MEGF10: variants seen among roughly 807,000 people sequenced by gnomAD.
The protein encoded by MEGF10 is multiple EGF like domains 10.
Under a neutral mutation model 147.5 loss-of-function variants are expected in MEGF10, and 86 were observed. The ratio of observed to expected loss-of-function variants is 0.58; its 90% CI spans 0.49 to 0.70. MEGF10 has a LOEUF of 0.70. MEGF10 is among the 30% of genes least tolerant of loss of function. The probability of loss-of-function intolerance (pLI) is 0.00; values close to 1 mark genes in which losing one functional copy is unlikely to be tolerated. For synonymous variants in MEGF10, 478 were observed against 525.5 expected, an observed-to-expected ratio of 0.91 and a Z score of 1.24; for missense variants, 1,329 against 1,487.3, an observed-to-expected ratio of 0.89 and a Z score of 1.75.
chr5:127,379,561 A>C (rs1763173637), intron 5 of MEGF10, among the ~76,000 whole-genome samples: 1 of 141,510 alleles, frequency 7.1e-6, no homozygotes, highest in African/African-American at 2.6e-5. Flanking sequence ...TCAGAATAAT[A>C]CTCATCTCCC....
At chr5:127,434,539 G>T in intron 14 of MEGF10, 148 bp from the exon 15 acceptor site, 1 of 865,968 alleles carries the variant, frequency 1.2e-6, no homozygotes, top group Non-Finnish European at 1.7e-6. Flanking sequence ...TGTTGTTCTT[G>T]TTTTCTACTT....
rs965323775 is a variant in MEGF10, at chr5:127,380,309, G to C, written c.412+10307G>C. On this transcript the variant is annotated intron_variant, in intron 5 of 24. Transcript: ENST00000503335. ...TAAGACACTGCCTCTTCTTTTTAGGGGCTCTTAGTTTGATAGAGGAGCTGA... is the reference window on the plus strand; with the variant it reads ...TAAGACACTGCCTCTTCTTTTTAGGCGCTCTTAGTTTGATAGAGGAGCTGA... 2.6e-5 allele frequency among the ~76,000 whole-genome samples: 4 copies of C among 151,982 alleles called. No homozygotes were observed. In the South Asian group the frequency reaches 6.2e-4, roughly 24 times the overall value.
At chr5:127,263,025 A>C in the MEGF10 span, among the ~76,000 whole-genome samples, 101 of 152,290 alleles carry the variant, frequency 6.6e-4, no homozygotes, top group African/African-American at 2.1e-3. Context: ...AACAACAAAA[A>C]AGTCCTACTT....
Position 127,434,754 on chromosome 5 carries a change from G to T in MEGF10, c.1908G>T (p.Gly636=), listed in dbSNP as rs776230933. 1.2e-6 allele frequency: 2 copies of T among 1,613,404 alleles called. No individual in the cohort carries two copies. The highest frequency in any genetic ancestry group is 1.7e-6 in the Non-Finnish European group (2 of 1,179,988). Residue 636 remains glycine, a synonymous_variant, in exon 15 of 25, where the codon GGG becomes GGT. Coordinates refer to ENST00000503335, the MANE Select transcript of MEGF10 (RefSeq NM_001256545.2). ...QTCPQCVHSS[G]PCHHITGLCD... Reference sequence around the variant, plus strand: ...GCCCACAGTGCGTTCACAGCAGCGGGCCCTGCCACCACATCACCGGCCTGT... The same window carrying T: ...GCCCACAGTGCGTTCACAGCAGCGGTCCCTGCCACCACATCACCGGCCTGT...
chr5:127,445,620 A>C lies in MEGF10; in HGVS notation c.2655A>C (p.Gly885=). 6.2e-7 allele frequency: 1 copy of C among 1,614,090 alleles called. No homozygotes were observed. The highest frequency in any genetic ancestry group is 1.7e-4 in the Middle Eastern group (1 of 6,060). ...LFIIYRHKQK[G]KESSMPAVTY... ...TTATTTATAGACACAAGCAGAAGGG[A>C]AAGGAATCAAGCATGCCAGCAGTTA... is the stretch of plus-strand genomic sequence containing the variant. Residue 885 remains glycine (G), a synonymous_variant, in exon 20 of 25, where the codon GGA becomes GGC. Coordinates refer to ENST00000503335, the MANE Select transcript of MEGF10 (RefSeq NM_001256545.2).
intron 24 of MEGF10, among the ~76,000 whole-genome samples, chr5:127,456,425 C>A (rs1004142037): frequency 1.1e-4 from 16 of 151,184 alleles, no homozygotes; most frequent in Admixed American, 5.3e-4. Flanking sequence ...ATTTTCATTT[C>A]TCTCTCTCTC....
intron 4 of MEGF10, among the ~76,000 whole-genome samples, chr5:127,369,265 G>A (rs1295519820): frequency 1.3e-5 from 2 of 152,174 alleles, no homozygotes; most frequent in Non-Finnish European, 2.9e-5. Flanking sequence ...ATTCACTCAT[G>A]TTTGCAGTGA....
At chr5:127,342,526 T>C (rs1010053974) in intron 4 of MEGF10, among the ~76,000 whole-genome samples, 1 of 152,132 alleles carries the variant, frequency 6.6e-6, no homozygotes, top group African/African-American at 2.4e-5. Flanking sequence ...TAGATTTCAC[T>C]GGCAAGCTGG....
At chr5:127,386,810 A>G (rs919133355) in intron 5 of MEGF10, among the ~76,000 whole-genome samples, 1 of 152,246 alleles carries the variant, frequency 6.6e-6, no homozygotes, top group Non-Finnish European at 1.5e-5. Context: ...TTTCTAGGGC[A>G]TTCTTTTTGC....
intron 5 of MEGF10, among the ~76,000 whole-genome samples, chr5:127,374,695 A>G (rs1762963701): frequency 1.3e-5 from 2 of 152,390 alleles, no homozygotes; most frequent in Admixed American, 1.3e-4. Context: ...CCTAGATACT[A>G]AAGTTAACTT....
chr5:127,249,193 G>A, the MEGF10 span, among the ~76,000 whole-genome samples: 2 of 151,994 alleles, frequency 1.3e-5, no homozygotes, highest in Non-Finnish European at 2.9e-5. Context: ...AATGACAATA[G>A]CATTACAAAT....
chr5:127,458,337 T>G lies in MEGF10; in HGVS notation c.*1019T>G, dbSNP rs1442873301. 6.6e-6 allele frequency: 1 copy of G among 152,214 alleles called. No homozygotes were observed. The highest frequency in any genetic ancestry group is 1.5e-5 in the Non-Finnish European group (1 of 68,030). The allele number at this position is 152,214 out of a possible 1,614,324, so 9.4% of individuals were successfully genotyped here. A position where few individuals can be genotyped will look rare whatever the true frequency, so the allele number is the denominator to read the frequency against. On this transcript the variant is annotated 3_prime_UTR_variant, in exon 25 of 25. Coordinates refer to ENST00000503335, the MANE Select transcript of MEGF10 (RefSeq NM_001256545.2). ...AGTGACTGAAATATTTTTGTGCATA[T>G]TTGAGAAAGGGAACTTTCCTTTTAT... is the stretch of plus-strand genomic sequence containing the variant.
intron 5 of MEGF10, among the ~76,000 whole-genome samples, chr5:127,384,386 C>T (rs1180204774): frequency 1.3e-5 from 2 of 152,166 alleles, no homozygotes; most frequent in African/African-American, 4.8e-5. Flanking sequence ...TATAAGGGCT[C>T]CTGAGGTTGT....
At chr5:127,385,920 C>T (rs933121984) in intron 5 of MEGF10, among the ~76,000 whole-genome samples, 1 of 152,118 alleles carries the variant, frequency 6.6e-6, no homozygotes, top group Non-Finnish European at 1.5e-5. Context: ...GCCTGGGCAT[C>T]GTAGTGAGAC....
At chr5:127,294,224 A>G (rs954324860) in intron 1 of MEGF10, among the ~76,000 whole-genome samples, 2 of 152,188 alleles carry the variant, frequency 1.3e-5, no homozygotes, top group African/African-American at 2.4e-5. Flanking sequence ...GATTTAATAT[A>G]GCATAATCAC....
At chr5:127,372,840 T>G (rs1339510014) in intron 5 of MEGF10, among the ~76,000 whole-genome samples, 1 of 152,238 alleles carries the variant, frequency 6.6e-6, no homozygotes, top group East Asian at 1.9e-4. Context: ...TAAGGTAGTG[T>G]GCTAGGCTTC....
intron 5 of MEGF10, among the ~76,000 whole-genome samples, chr5:127,379,274 A>T (rs1314617314): frequency 6.6e-6 from 1 of 152,074 alleles, no homozygotes; most frequent in Non-Finnish European, 1.5e-5. Flanking sequence ...CAAGTCAATT[A>T]TCTATGACCA....
intron 5 of MEGF10, among the ~76,000 whole-genome samples, chr5:127,381,516 T>G (rs1763263071): frequency 6.6e-6 from 1 of 152,220 alleles, no homozygotes; most frequent in Admixed American, 6.5e-5. Context: ...GCTGTAGACC[T>G]GCTTGTTTCC....
chr5:127,241,043 G>T, the MEGF10 span, among the ~76,000 whole-genome samples: 5,218 of 152,156 alleles, frequency 0.034, 147 homozygotes, highest in Non-Finnish European at 0.056. Context: ...TGATCTATAT[G>T]TACATATTTA....
Sources: gnomAD v4.1 joint callset for allele counts (sites outside exome capture counted in the v4.1 genomes callset) on GRCh38, gnomAD v4.1.1 for gene constraint, MANE v1.5 for transcripts, NCBI Gene and HGNC (gene_info 2026-07-23, HGNC 2026-07-21) for gene names.